Variants in PTCHD4 observed in about 807,000 individuals in gnomAD.
PTCHD4 encodes the protein patched domain-containing protein 4.
PTCHD4 carries 33 observed loss-of-function variants against 58.1 expected under a neutral mutation model. The observed-to-expected ratio is 0.57, with a 90% CI of 0.43 to 0.76. The LOEUF (loss-of-function observed/expected upper bound fraction) is 0.76. Among genes scored for constraint, PTCHD4 ranks in the 30% least tolerant of loss-of-function variants. PTCHD4 has a pLI of 0.00. For missense variants in PTCHD4, 1,058 were observed against 1,027.1 expected, an observed-to-expected ratio of 1.03 and a Z score of -0.41; for synonymous variants, 478 against 409.6, an observed-to-expected ratio of 1.17 and a Z score of -2.02.
intron 4 of PTCHD4, among the ~76,000 whole-genome samples, chr6:47,954,354 C>G (rs1208598471): frequency 6.6e-6 from 1 of 152,148 alleles, no homozygotes; most frequent in Non-Finnish European, 1.5e-5. Flanking sequence ...GAGACTCTGT[C>G]TCAAACAAAC....
In PTCHD4 at chr6:47,867,053, A is replaced by G. The variant is rs1362564405; in HGVS notation, c.*11250T>C. On this transcript the variant is annotated 3_prime_UTR_variant, in exon 5 of 5. Coordinates refer to ENST00000339488, the MANE Select transcript of PTCHD4 (RefSeq NM_001384253.1). ...CATAGGGACATAGTACTTGTTTACA[A>G]TGTTTTCTTTCTGGGAACAATCTAT... Among the ~76,000 whole-genome samples, 1 of 151,846 alleles carries G rather than the reference A, an allele frequency of 6.6e-6. No individual in the cohort carries two copies. The highest frequency in any genetic ancestry group is 1.5e-5 in the Non-Finnish European group (1 of 67,868).
At chr6:48,020,510 G>A (rs1011191769) in intron 3 of PTCHD4, among the ~76,000 whole-genome samples, 2 of 151,256 alleles carry the variant, frequency 1.3e-5, no homozygotes, top group South Asian at 2.1e-4. Flanking sequence ...TGCTACTTTC[G>A]TTGGCAAAAA....
chr6:47,913,764 C>T (rs958680098), intron 4 of PTCHD4, among the ~76,000 whole-genome samples: 5 of 152,048 alleles, frequency 3.3e-5, no homozygotes, highest in Admixed American at 6.6e-5. Context: ...GCAGAGATGC[C>T]GAAACTGAAG....
chr6:47,888,059 T>TA (rs1462517881), intron 4 of PTCHD4, among the ~76,000 whole-genome samples: 1 of 151,918 alleles, frequency 6.6e-6, no homozygotes, highest in Non-Finnish European at 1.5e-5. Flanking sequence ...TGAGTCAGAG[T>TA]AAAGAGCAGA....
intron 1 of PTCHD4, among the ~76,000 whole-genome samples, chr6:48,078,572 A>T (rs1246928374): frequency 1.3e-5 from 2 of 152,230 alleles, no homozygotes; most frequent in African/African-American, 2.4e-5. Context: ...AAGCATTTTT[A>T]GATTTATTCT....
chr6:47,864,329 C>CACACACACACAT lies in PTCHD4; in HGVS notation c.*13973_*13974insATGTGTGTGTGT, dbSNP rs1253859265. The stretch of plus-strand genomic sequence containing the variant: ...AGATATATATATACACACACACACA[C>CACACACACACAT]ATATATATATATGGCTATTTCACCT... On this transcript the variant is annotated 3_prime_UTR_variant, in exon 5 of 5. Transcript: ENST00000339488. 6.6e-6 allele frequency among the ~76,000 whole-genome samples: 1 copy of CACACACACACAT among 151,118 alleles called. No homozygotes were observed. Among genetic ancestry groups the CACACACACACAT allele is most frequent in the South Asian group, 2.1e-4 (1 of 4,766 alleles).
intron 1 of PTCHD4, among the ~76,000 whole-genome samples, chr6:48,077,629 T>C (rs1162344070): frequency 6.6e-6 from 1 of 152,264 alleles, no homozygotes; most frequent in Non-Finnish European, 1.5e-5. Context: ...GCTTAATCAT[T>C]TCTAGCTTTT....
At chr6:47,980,416 G>A (rs781241515) in intron 4 of PTCHD4, among the ~76,000 whole-genome samples, 1 of 151,748 alleles carries the variant, frequency 6.6e-6, no homozygotes, top group Non-Finnish European at 1.5e-5. Context: ...AAGTTTTTCC[G>A]TTCTTATCGT....
At chr6:47,903,966 G>T (rs1257034298) in intron 4 of PTCHD4, among the ~76,000 whole-genome samples, 1 of 152,134 alleles carries the variant, frequency 6.6e-6, no homozygotes, top group Non-Finnish European at 1.5e-5. Flanking sequence ...TTCAGGAGAA[G>T]CATATTCCTG....
At chr6:47,977,962 A>T (rs1250370838) in intron 4 of PTCHD4, among the ~76,000 whole-genome samples, 1 of 152,186 alleles carries the variant, frequency 6.6e-6, no homozygotes, top group Non-Finnish European at 1.5e-5. Flanking sequence ...CTTTAGCCTG[A>T]CAGCTCCAGG....
intron 1 of PTCHD4, among the ~76,000 whole-genome samples, chr6:48,072,900 T>G (rs2113885903): frequency 6.6e-6 from 1 of 152,142 alleles, no homozygotes; most frequent in South Asian, 2.1e-4. Flanking sequence ...ATATATATTT[T>G]TAATAAGAAA....
At chr6:47,917,792 C>T (rs980002762) in intron 4 of PTCHD4, among the ~76,000 whole-genome samples, 2 of 152,038 alleles carry the variant, frequency 1.3e-5, no homozygotes, top group Non-Finnish European at 2.9e-5. Flanking sequence ...TATTTCTATT[C>T]TGATAGTGCT....
At chr6:48,064,578 A>G (rs1764735442) in intron 3 of PTCHD4, among the ~76,000 whole-genome samples, 1 of 152,170 alleles carries the variant, frequency 6.6e-6, no homozygotes, top group South Asian at 2.1e-4. Context: ...GCCCCTAAAT[A>G]TTTGGGTCAA....
chr6:48,081,286 G>C (rs1379779164), intron 1 of PTCHD4, among the ~76,000 whole-genome samples: 1 of 152,298 alleles, frequency 6.6e-6, no homozygotes. Context: ...GAATTCACTT[G>C]AAAAATAAGT....
chr6:48,061,158 CT>C (rs1764614244), intron 3 of PTCHD4, among the ~76,000 whole-genome samples: 1 of 152,198 alleles, frequency 6.6e-6, no homozygotes. Flanking sequence ...AGGTTTAATG[CT>C]GCCACTATTG....
chr6:48,007,934 G>GCACACA (rs771135094), intron 4 of PTCHD4, among the ~76,000 whole-genome samples: 1,311 of 53,006 alleles, frequency 0.025, 11 homozygotes, highest in African/African-American at 0.085. Context: ...ATGTGCGCGC[G>GCACACA]CGCACACACA....
chr6:47,942,993 T>C (rs540146114), intron 4 of PTCHD4, among the ~76,000 whole-genome samples: 1 of 152,318 alleles, frequency 6.6e-6, no homozygotes, highest in Non-Finnish European at 1.5e-5. Context: ...TCTTGTGGCA[T>C]AACCCCTCCG....
rs1763763341 is a variant in PTCHD4, at chr6:47,873,237, A to G, written c.*5066T>C. On this transcript the variant is annotated 3_prime_UTR_variant, in exon 5 of 5. Coordinates refer to ENST00000339488, the MANE Select transcript of PTCHD4 (RefSeq NM_001384253.1). The stretch of plus-strand genomic sequence containing the variant: ...CAAGTTTGCTAGCAGTTGAGAATCT[A>G]TAGTTTTGCAACACCACGTGATTCT... Among the ~76,000 whole-genome samples the G allele has an allele frequency of 2.0e-5, 3 of 151,742 alleles. No individual in the cohort carries two copies. Among genetic ancestry groups the G allele is most frequent in the Admixed American group, 2.0e-4 (3 of 15,196 alleles).
At chr6:47,979,970 A>G (rs147851421) in intron 4 of PTCHD4, among the ~76,000 whole-genome samples, 1 of 152,098 alleles carries the variant, frequency 6.6e-6, no homozygotes, top group Non-Finnish European at 1.5e-5. Flanking sequence ...TAAAAGCAAC[A>G]ATCTTATTTC....
Sources: gnomAD v4.1 joint callset for allele counts (sites outside exome capture counted in the v4.1 genomes callset) on GRCh38, gnomAD v4.1.1 for gene constraint, MANE v1.5 for transcripts, NCBI Gene and HGNC (gene_info 2026-07-23, HGNC 2026-07-21) for gene names.